The following RBPMS variants were observed in gnomAD, a reference collection of about 807,000 sequenced individuals.
The protein encoded by RBPMS is RNA-binding protein with multiple splicing.
In RBPMS, 7 loss-of-function variants were observed where a neutral mutation model predicts 26.8. The ratio of observed to expected loss-of-function variants is 0.26; its 90% CI spans 0.15 to 0.49. RBPMS has a LOEUF of 0.49. Ranked by LOEUF, RBPMS falls within the 20% of genes least tolerant of loss-of-function variation. RBPMS has a pLI of 0.98. For synonymous variants in RBPMS, 96 were observed against 93.3 expected (o/e 1.03, Z -0.17); for missense variants, 186 against 250.0 (o/e 0.74, Z 1.73).
chr8:30,497,779 C>A (rs559089517), intron 4 of RBPMS, among the ~76,000 whole-genome samples: 166 of 151,920 alleles, frequency 1.1e-3, no homozygotes, highest in Non-Finnish European at 1.8e-3. Context: ...CCCGCCACCA[C>A]GCCTGGCTAA....
At chr8:30,464,916 G>A (rs576912446) in intron 1 of RBPMS, among the ~76,000 whole-genome samples, 1 of 152,146 alleles carries the variant, frequency 6.6e-6, no homozygotes, top group African/African-American at 2.4e-5. Context: ...TACACCTTAG[G>A]GCATTAGAAT....
chr8:30,556,854 C>A (rs971772208), intron 6 of RBPMS: 4 of 867,032 alleles, frequency 4.6e-6, no homozygotes, highest in Non-Finnish European at 5.5e-6. Context: ...CTAGACTCTT[C>A]TGTCCCCTTC....
At chr8:30,554,847 T>A (rs1173031983) in intron 6 of RBPMS, among the ~76,000 whole-genome samples, 2 of 152,142 alleles carry the variant, frequency 1.3e-5, no homozygotes, top group South Asian at 2.1e-4. Context: ...TTTTCGTGAC[T>A]CTTTCTAAGG....
At chr8:30,555,682 G>A (rs139409316) in intron 6 of RBPMS, among the ~76,000 whole-genome samples, 135 of 152,364 alleles carry the variant, frequency 8.9e-4, no homozygotes, top group African/African-American at 3.0e-3. Context: ...ATTCTAATGG[G>A]GAGCCCTAAA....
intron 6 of RBPMS, among the ~76,000 whole-genome samples, chr8:30,548,428 A>G (rs771389897): frequency 3.3e-5 from 5 of 152,194 alleles, no homozygotes; most frequent in Non-Finnish European, 5.9e-5. Context: ...TCTGTAGGTA[A>G]GTAGGACTGA....
intron 1 of RBPMS, among the ~76,000 whole-genome samples, chr8:30,411,681 A>AAATG (rs1554507356): frequency 7.8e-6 from 1 of 127,956 alleles, no homozygotes. Flanking sequence ...AAAAAAAAAA[A>AAATG]AAAGAAAAAG....
intron 1 of RBPMS, among the ~76,000 whole-genome samples, chr8:30,436,777 A>G (rs552111895): frequency 6.6e-6 from 1 of 152,338 alleles, no homozygotes; most frequent in African/African-American, 2.4e-5. Context: ...TGTTTTAAAA[A>G]GAATTCGTTG....
At chr8:30,520,464 A>G (rs1210059364) in intron 5 of RBPMS, among the ~76,000 whole-genome samples, 1 of 152,086 alleles carries the variant, frequency 6.6e-6, no homozygotes, top group African/African-American at 2.4e-5. Context: ...TCTGATGCTC[A>G]GGGGCAGGGA....
chr8:30,516,604 A>G (rs1822334443), intron 5 of RBPMS, among the ~76,000 whole-genome samples: 1 of 152,204 alleles, frequency 6.6e-6, no homozygotes, highest in Non-Finnish European at 1.5e-5. Context: ...TACCAGTTCC[A>G]AATGTGGTAC....
chr8:30,442,329 C>G (rs1172289172), intron 1 of RBPMS, among the ~76,000 whole-genome samples: 1 of 152,078 alleles, frequency 6.6e-6, no homozygotes, highest in African/African-American at 2.4e-5. Flanking sequence ...TTTCTCCTTC[C>G]CTGCCTCACC....
intron 5 of RBPMS, among the ~76,000 whole-genome samples, chr8:30,531,184 C>T (rs985509323): frequency 6.6e-6 from 1 of 152,044 alleles, no homozygotes; most frequent in Non-Finnish European, 1.5e-5. Context: ...ACTTAACCAG[C>T]AGTCGGTTCT....
At chr8:30,569,374 C>A (rs1299771557) in intron 8 of RBPMS, among the ~76,000 whole-genome samples, 1 of 152,152 alleles carries the variant, frequency 6.6e-6, no homozygotes, top group Middle Eastern at 3.2e-3. Context: ...GCTAAAGTGG[C>A]CTGGTCAGTG....
Position 30,511,674 on chromosome 8 carries a change from ATTAGC to A in RBPMS, c.397+7240_397+7244del, listed in dbSNP as rs2150958094. 1.3e-5 allele frequency among the ~76,000 whole-genome samples: 2 copies of A among 150,996 alleles called. 1 individual carries two copies. Among genetic ancestry groups the A allele is most frequent in the South Asian group, 4.2e-4 (2 of 4,748 alleles). ...ACATATATATATACACACAAAAAAA[ATTAGC>A]TGGGCATGATGGTGTGCGCCTGTAA... On this transcript the variant is annotated intron_variant, in intron 5 of 8. Transcript: ENST00000397323.
chr8:30,546,532 T>TA (rs1825880590), intron 6 of RBPMS, among the ~76,000 whole-genome samples: 1 of 152,242 alleles, frequency 6.6e-6, no homozygotes, highest in Non-Finnish European at 1.5e-5. Flanking sequence ...GTGCCAAGAT[T>TA]AAATGGACTC....
chr8:30,483,269 C>T (rs1218192828), intron 4 of RBPMS, among the ~76,000 whole-genome samples: 2 of 152,062 alleles, frequency 1.3e-5, no homozygotes, highest in Admixed American at 6.6e-5. Flanking sequence ...AGTATATGTG[C>T]CATTCATTTG....
intron 3 of RBPMS, among the ~76,000 whole-genome samples, chr8:30,478,915 T>TA (rs1298775228): frequency 6.6e-6 from 1 of 152,218 alleles, no homozygotes; most frequent in Non-Finnish European, 1.5e-5. Flanking sequence ...TTCTTGCACT[T>TA]ACAGTGTACC....
At chr8:30,518,216 A>G (rs1822559727) in intron 5 of RBPMS, among the ~76,000 whole-genome samples, 1 of 152,174 alleles carries the variant, frequency 6.6e-6, no homozygotes, top group Non-Finnish European at 1.5e-5. Context: ...TACATTTACT[A>G]TGTTACACAT....
chr8:30,426,054 T>C (rs1036525699), intron 1 of RBPMS, among the ~76,000 whole-genome samples: 2 of 152,200 alleles, frequency 1.3e-5, no homozygotes, highest in African/African-American at 4.8e-5. Flanking sequence ...GAAAAGTTAC[T>C]TACAGTCCCT....
intron 5 of RBPMS, among the ~76,000 whole-genome samples, chr8:30,538,337 C>T (rs9656750): frequency 0.028 from 4,291 of 152,176 alleles, 212 homozygotes; most frequent in African/African-American, 0.097. Flanking sequence ...ACACTGCAGC[C>T]TCTGCCTCCC....
Sources: allele counts gnomAD v4.1 joint callset (sites outside exome capture counted in the v4.1 genomes callset), GRCh38; gene constraint gnomAD v4.1.1; transcripts MANE v1.5; gene names NCBI Gene and HGNC (gene_info 2026-07-23, HGNC 2026-07-21).